GSDME: variants seen among roughly 807,000 people sequenced by gnomAD.
The protein encoded by GSDME is gasdermin-E.
GSDME carries 44 observed loss-of-function variants against 47.5 expected under a neutral mutation model. The observed-to-expected ratio is 0.93, with a 90% CI of 0.73 to 1.19. The LOEUF is 1.19. Among genes scored for constraint, GSDME ranks in the 50% most tolerant of loss-of-function variants. The pLI, the probability that GSDME is intolerant of heterozygous loss-of-function variation, is 0.00. For missense variants in GSDME, 663 were observed against 604.2 expected (o/e 1.10, Z -1.02); for synonymous variants, 258 against 252.8 (o/e 1.02, Z -0.20).
intron 2 of GSDME, 84 bp downstream of exon 2, chr7:24,749,480 C>A (rs1436963498): frequency 1.7e-6 from 2 of 1,184,518 alleles, no homozygotes; most frequent in Admixed American, 3.6e-5. Flanking sequence ...CCAGCATGGG[C>A]GACAGAGACT....
chr7:24,720,889 A>G (rs1196656783), intron 3 of GSDME, among the ~76,000 whole-genome samples: 1 of 150,282 alleles, frequency 6.7e-6, no homozygotes, highest in Non-Finnish European at 1.5e-5. Flanking sequence ...CCTGGGCAAC[A>G]AGAGCGAAAC....
Position 24,754,215 on chromosome 7 carries a change from G to C in GSDME, c.-20+3181C>G, listed in dbSNP as rs1336858529. Among the ~76,000 whole-genome samples, 1 of 152,188 alleles carries C rather than the reference G, an allele frequency of 6.6e-6. No individual in the cohort carries two copies. The highest frequency in any genetic ancestry group is 2.4e-5 in the African/African-American group (1 of 41,432). ...AAAAGTTATATTAGCAGCCGGGCCTGGTGGCTCATGCCTGTAATCCCAGCA... is the reference window on the plus strand; with the variant it reads ...AAAAGTTATATTAGCAGCCGGGCCTCGTGGCTCATGCCTGTAATCCCAGCA... On this transcript the variant is annotated intron_variant, in intron 1 of 9. Coordinates refer to ENST00000645220, the MANE Select transcript of GSDME (RefSeq NM_001127453.2). The surrounding 1 kb of genome is among the most constrained non-coding windows in gnomAD (Gnocchi z 5.0).
Position 24,744,221 on chromosome 7 carries a change from GGTCATGA to G in GSDME, c.404+334_404+340del, listed in dbSNP as rs1180503108. 9.0e-5 allele frequency: 25 copies of G among 277,454 alleles called. No individual in the cohort carries two copies. The Admixed American group carries it at 1.2e-3, about 13-fold the overall frequency. The allele number at this position is 277,454 out of a possible 1,614,324, so 17.2% of individuals were successfully genotyped here. ...TCAGAAAATTATAGAGCCAGAGGGG[GGTCATGA>G]CTTCCTGGCTTCTAAAGTTAATATT... On this transcript the variant is annotated intron_variant, in intron 3 of 9. Transcript: ENST00000645220. This position sits in a 1 kb window ranked among gnomAD's most constrained non-coding sequence, Gnocchi z 4.5.
the GSDME span, among the ~76,000 whole-genome samples, chr7:24,780,254 T>C: frequency 6.6e-6 from 1 of 152,186 alleles, no homozygotes; most frequent in Non-Finnish European, 1.5e-5. This position sits in a 1 kb window ranked among gnomAD's most constrained non-coding sequence, Gnocchi z 4.1. Flanking sequence ...ACCTGATATA[T>C]TGATTAAGTT....
At chr7:24,759,813 T>C (rs1791138461), upstream of GSDME, among the ~76,000 whole-genome samples, 1 of 152,208 alleles carries the variant, frequency 6.6e-6, no homozygotes, top group Non-Finnish European at 1.5e-5. Context: ...CTGACCCCAG[T>C]CTGCTGCTCT....
intron 9 of GSDME, 34 bp downstream of exon 9, chr7:24,702,726 T>A (rs1367510056): frequency 3.1e-6 from 5 of 1,589,530 alleles, no homozygotes; most frequent in African/African-American, 1.3e-5. Context: ...CCCATTCCTA[T>A]CCATTCTAAG....
chr7:24,786,095 G>A, the GSDME span, among the ~76,000 whole-genome samples: 3 of 152,110 alleles, frequency 2.0e-5, no homozygotes, highest in Non-Finnish European at 2.9e-5. The surrounding 1 kb of genome is among the most constrained non-coding windows in gnomAD (Gnocchi z 5.5). Flanking sequence ...ACTTATTCTG[G>A]GGATCATAGA....
chr7:24,779,806 C>G, the GSDME span, among the ~76,000 whole-genome samples: 2 of 152,204 alleles, frequency 1.3e-5, no homozygotes, highest in Admixed American at 6.5e-5. This position sits in a 1 kb window ranked among gnomAD's most constrained non-coding sequence, Gnocchi z 6.0. Flanking sequence ...CAGAAACAGT[C>G]CACACCAACA....
rs755133601 is a variant in GSDME, at chr7:24,708,187, C to T, written c.930G>A (p.Leu310=). The T allele has an allele frequency of 3.7e-6, 6 of 1,614,160 alleles. No individual in the cohort carries two copies. The highest frequency in any genetic ancestry group is 4.2e-6 in the Non-Finnish European group (5 of 1,180,022). ...ATAGGACCGCCTGGAAGATGTCACT[C>T]AAAGCTGTCTGTTGTGGCTCAGGCA... ...AELPEPQQTA[L]SDIFQAVLFD... is the part of the protein sequence containing the mutation. Residue 310 remains leucine, a synonymous_variant, in exon 7 of 10, where the codon TTG becomes TTA. Transcript: ENST00000645220.
intron 1 of GSDME, among the ~76,000 whole-genome samples, chr7:24,752,729 GAAC>G (rs1441170789): frequency 6.6e-6 from 1 of 152,230 alleles, no homozygotes; most frequent in African/African-American, 2.4e-5. Flanking sequence ...AAGAGCCACA[GAAC>G]AACTGCTTTA....
the GSDME span, among the ~76,000 whole-genome samples, chr7:24,768,073 G>A: frequency 5.3e-5 from 8 of 152,314 alleles, no homozygotes; most frequent in South Asian, 1.7e-3. The surrounding 1 kb of genome is among the most constrained non-coding windows in gnomAD (Gnocchi z 5.6). Flanking sequence ...TCCCAAGGCT[G>A]CCCCCAGCTG....
chr7:24,719,042 C>T lies in GSDME; in HGVS notation c.576+5G>A, dbSNP rs754008145. ...ATGAACGCAGGGCAGCCCGACTGCACGCACCTGCACCGTCTTGGTCTGGAT... is the reference window on the plus strand; with the variant it reads ...ATGAACGCAGGGCAGCCCGACTGCATGCACCTGCACCGTCTTGGTCTGGAT... On this transcript the variant is annotated splice_donor_5th_base_variant and intron_variant, in intron 4 of 9. Transcript: ENST00000645220. 12 of 1,612,020 alleles carry T rather than the reference C, an allele frequency of 7.4e-6. No individual in the cohort carries two copies. Among genetic ancestry groups the T allele is most frequent in the Admixed American group, 3.3e-5 (2 of 60,026 alleles).
Position 24,742,473 on chromosome 7 carries a change from C to A in GSDME, c.404+2089G>T, listed in dbSNP as rs73082062. 3.7e-3 allele frequency among the ~76,000 whole-genome samples: 566 copies of A among 152,298 alleles called. No homozygotes were observed. Among genetic ancestry groups the A allele is most frequent in the Non-Finnish European group, 6.1e-3 (417 of 68,032 alleles). On this transcript the variant is annotated intron_variant, in intron 3 of 9. Coordinates refer to ENST00000645220, the MANE Select transcript of GSDME (RefSeq NM_001127453.2). The surrounding 1 kb of genome is among the most constrained non-coding windows in gnomAD (Gnocchi z 4.4). ...GGATGCTCCTTTCCTTTCCCTCCCC[C>A]ACTCCCTCTTCCTCCACTCAGAACT...
the GSDME span, among the ~76,000 whole-genome samples, chr7:24,767,790 T>A: frequency 1.3e-5 from 2 of 152,220 alleles, no homozygotes; most frequent in African/African-American, 4.8e-5. The surrounding 1 kb of genome is among the most constrained non-coding windows in gnomAD (Gnocchi z 5.3). Flanking sequence ...AGAGGCCAAT[T>A]TCCCCTTTTA....
chr7:24,699,304 A>G (rs1378935548), intron 9 of GSDME, 45 bp from the exon 10 acceptor site: 1 of 1,419,814 alleles, frequency 7.0e-7, no homozygotes, highest in Non-Finnish European at 9.9e-7. Context: ...AATGTCCTAA[A>G]AAATCCACAT....
intron 7 of GSDME, 108 bp from the exon 8 acceptor site, chr7:24,706,484 A>C: frequency 9.1e-7 from 1 of 1,095,238 alleles, no homozygotes; most frequent in Non-Finnish European, 1.3e-6. Context: ...CACTCCCCCG[A>C]GGAAAGTACG....
the GSDME span, among the ~76,000 whole-genome samples, chr7:24,767,619 C>CTT: frequency 1.2e-3 from 183 of 147,116 alleles, 2 homozygotes; most frequent in African/African-American, 4.2e-3. This position sits in a 1 kb window ranked among gnomAD's most constrained non-coding sequence, Gnocchi z 5.3. Context: ...GTTGTAGAAC[C>CTT]TTTTTTTTTT....
chr7:24,748,382 A>T (rs1790747987), intron 2 of GSDME, among the ~76,000 whole-genome samples: 1 of 150,346 alleles, frequency 6.7e-6, no homozygotes, highest in Non-Finnish European at 1.5e-5. Context: ...CTGGTCTTGA[A>T]CTCCTGACCT....
At chr7:24,773,734 C>A in the GSDME span, among the ~76,000 whole-genome samples, 1 of 152,170 alleles carries the variant, frequency 6.6e-6, no homozygotes, top group Non-Finnish European at 1.5e-5. The surrounding 1 kb of genome is among the most constrained non-coding windows in gnomAD (Gnocchi z 5.4). Flanking sequence ...TATCTATGAA[C>A]ACATCCCCTG....
Sources: allele counts gnomAD v4.1 joint callset (sites outside exome capture counted in the v4.1 genomes callset), GRCh38; gene constraint gnomAD v4.1.1; non-coding constraint Gnocchi (gnomAD v3.1); transcripts MANE v1.5; gene names NCBI Gene and HGNC (gene_info 2026-07-23, HGNC 2026-07-21).